The following MYO1H variants were observed in gnomAD, a reference collection of about 807,000 sequenced individuals.
The protein encoded by MYO1H is unconventional myosin-Ih.
MYO1H carries 118 observed loss-of-function variants against 149.3 expected under a neutral mutation model. That is an observed-to-expected ratio of 0.79 (90% CI 0.68 to 0.92). The LOEUF is 0.92. MYO1H is among the 40% of genes least tolerant of loss of function. The pLI is 0.00. For missense variants in MYO1H, 1,212 were observed against 1,280.7 expected (o/e 0.95, Z 0.82); for synonymous variants, 447 against 465.2 (o/e 0.96, Z 0.50).
chr12:109,322,703 C>A, the MYO1H span, among the ~76,000 whole-genome samples: 9 of 151,764 alleles, frequency 5.9e-5, no homozygotes, highest in Non-Finnish European at 1.0e-4. Flanking sequence ...ACCTGTAATC[C>A]CAGCTACTCG....
At chr12:109,399,389 C>A (rs988832458) in intron 5 of MYO1H, among the ~76,000 whole-genome samples, 7 of 151,232 alleles carry the variant, frequency 4.6e-5, no homozygotes, top group African/African-American at 9.7e-5. Context: ...GTCAGGAGTT[C>A]GAGACCAGCC....
chr12:109,366,808 A>G (rs961918325), intron 1 of MYO1H, among the ~76,000 whole-genome samples: 1 of 152,218 alleles, frequency 6.6e-6, no homozygotes, highest in African/African-American at 2.4e-5. Flanking sequence ...GCCACTTACC[A>G]GCTGTAGAAA....
intron 1 of MYO1H, among the ~76,000 whole-genome samples, chr12:109,365,843 C>T (rs1033483293): frequency 5.9e-5 from 9 of 152,090 alleles, no homozygotes; most frequent in East Asian, 3.9e-4. Context: ...GGACTGGTAC[C>T]GGTCCGTGGC....
intron 4 of MYO1H, 34 bp downstream of exon 4, chr12:109,396,616 TC>T: frequency 6.4e-7 from 1 of 1,563,624 alleles, no homozygotes. Context: ...CGAAGGGAGT[TC>T]CAGGGAGGTC....
Position 109,447,444 on chromosome 12 carries a change from A to T in MYO1H, c.*262A>T. ...GAAGGCGCAATTCTAAACACCCTCG[A>T]CAGGATCTATGTTCAGTGCGCAGTC... On this transcript the variant is annotated 3_prime_UTR_variant, in exon 32 of 32. Transcript: ENST00000310903. 1.2e-5 allele frequency: 7 copies of T among 583,570 alleles called. No individual in the cohort carries two copies. The South Asian group carries it at 1.4e-4, about 12-fold the overall frequency. 36.1% of individuals were successfully genotyped at this position (583,570 alleles called of 1,614,324 possible). A position where few individuals can be genotyped will look rare whatever the true frequency, so the allele number is the denominator to read the frequency against.
At chr12:109,354,618 T>TTAAAAAAAC (rs558745249) in intron 1 of MYO1H, among the ~76,000 whole-genome samples, 1 of 119,416 alleles carries the variant, frequency 8.4e-6, no homozygotes, top group Non-Finnish European at 1.7e-5. Flanking sequence ...AGACTCTGTC[T>TTAAAAAAAC]AAAAAAAAAA....
rs66507410 is a variant in MYO1H at position 109,409,246 on chromosome 12, C to CTTTTTT, written c.1156-288_1156-283dup. On this transcript the variant is annotated intron_variant, in intron 10 of 31. Coordinates refer to ENST00000310903, the Ensembl canonical transcript of MYO1H. ...TCTTTTTCTTCTTCTTCTTCTTCTT[C>CTTTTTT]TTTTTTTTTTTTTTTTTTTTTTTTT... Among the ~76,000 whole-genome samples the CTTTTTT allele has an allele frequency of 5.0e-3, 241 of 47,876 alleles. 2 individuals are homozygous for CTTTTTT. Among genetic ancestry groups the CTTTTTT allele is most frequent in the Middle Eastern group, 0.013 (1 of 80 alleles). The allele number at this position is 47,876 out of a possible 152,430, so 31.4% of individuals were successfully genotyped here.
intron 1 of MYO1H, among the ~76,000 whole-genome samples, chr12:109,381,842 A>C (rs990357955): frequency 6.6e-6 from 1 of 152,244 alleles, no homozygotes; most frequent in East Asian, 1.9e-4. Flanking sequence ...AAAGTTAACT[A>C]TCATGGCATG....
chr12:109,360,586 T>C (rs896252567), intron 1 of MYO1H, among the ~76,000 whole-genome samples: 7 of 152,216 alleles, frequency 4.6e-5, no homozygotes, highest in African/African-American at 1.7e-4. Context: ...TCTGCCTTCA[T>C]GAGGGTAGAG....
At chr12:109,396,545 C>G in exon 4 of MYO1H, 1 of 1,613,586 alleles carries the variant, frequency 6.2e-7, no homozygotes, top group Middle Eastern at 1.7e-4. Context: ...CTACAAATAG[C>G]CCGTGACAGA....
the MYO1H span, among the ~76,000 whole-genome samples, chr12:109,339,614 C>T: frequency 6.6e-6 from 1 of 152,022 alleles, no homozygotes; most frequent in South Asian, 2.1e-4. Flanking sequence ...CGACTAATTG[C>T]CTTAAGATAT....
intron 2 of MYO1H, among the ~76,000 whole-genome samples, chr12:109,391,810 A>C (rs187779564): frequency 6.6e-6 from 1 of 152,140 alleles, no homozygotes; most frequent in Non-Finnish European, 1.5e-5. Flanking sequence ...TTCTGTAATG[A>C]TCGGTGGTGT....
the MYO1H span, among the ~76,000 whole-genome samples, chr12:109,324,005 T>A: frequency 8.5e-6 from 1 of 118,104 alleles, no homozygotes; most frequent in Admixed American, 9.3e-5. Context: ...AGTGAGACCC[T>A]GACTCAAGAA....
chr12:109,392,613 G>A (rs1381466848), intron 2 of MYO1H, among the ~76,000 whole-genome samples: 4 of 151,612 alleles, frequency 2.6e-5, no homozygotes. Flanking sequence ...TCCCAGCTAT[G>A]GGAGGCTGAG....
chr12:109,422,474 GGAGT>G (rs1167134925), intron 16 of MYO1H, among the ~76,000 whole-genome samples: 25 of 152,336 alleles, frequency 1.6e-4, no homozygotes, highest in African/African-American at 5.8e-4. Context: ...TCCGCCTCAT[GGAGT>G]AGCTGTGGAG....
the MYO1H span, among the ~76,000 whole-genome samples, chr12:109,328,135 C>T: frequency 6.9e-6 from 1 of 144,446 alleles, no homozygotes; most frequent in Non-Finnish European, 1.5e-5. Flanking sequence ...CACACACACA[C>T]ACACGCATAT....
Position 109,406,810 on chromosome 12 carries a change from G to A in MYO1H, c.985G>A (p.Val329Ile). The A allele has an allele frequency of 6.2e-7, 1 of 1,613,782 alleles. No homozygotes were observed. Among genetic ancestry groups the A allele is most frequent in the Non-Finnish European group, 8.5e-7 (1 of 1,179,772 alleles). Reference sequence around the variant, plus strand: ...GCAGCTCCTGGGGGTCCACCCATCAGTCCTTCTGGAAGCTCTCACCCACAG... The same window carrying A: ...GCAGCTCCTGGGGGTCCACCCATCAATCCTTCTGGAAGCTCTCACCCACAG... The change falls in exon 9 of 32, where the codon GTC becomes ATC. Residue 329 changes from valine to isoleucine, a missense_variant. Physicochemically the swap from Val to Ile is conservative, Grantham distance 29. Transcript: ENST00000310903.
intron 1 of MYO1H, 59 bp from the exon 2 acceptor site, chr12:109,388,624 G>C (rs1257964123): frequency 1.4e-6 from 2 of 1,399,410 alleles, no homozygotes; most frequent in Non-Finnish European, 1.9e-6. Flanking sequence ...CCATGCATTA[G>C]ACGTGTAATA....
chr12:109,357,104 G>A (rs1192872369), intron 1 of MYO1H: 1 of 140,948 alleles, frequency 7.1e-6, no homozygotes, highest in African/African-American at 2.6e-5. Flanking sequence ...GAACAAAAAT[G>A]CATTCAGTTC....
Sources: allele counts gnomAD v4.1 joint callset (sites outside exome capture counted in the v4.1 genomes callset), GRCh38; gene constraint gnomAD v4.1.1; transcripts MANE v1.5; gene names NCBI Gene and HGNC (gene_info 2026-07-23, HGNC 2026-07-21).